Variants in PERP observed in about 807,000 individuals in gnomAD.
PERP encodes the protein p53 apoptosis effector related to PMP22.
A neutral mutation model predicts 20.3 loss-of-function variants in PERP; 11 were observed. The ratio of observed to expected loss-of-function variants is 0.54; its 90% CI spans 0.34 to 0.90. PERP has a LOEUF of 0.90. Ranked by LOEUF, PERP falls within the 40% of genes least tolerant of loss-of-function variation. The pLI, the probability that PERP is intolerant of heterozygous loss-of-function variation, is 0.02. For missense variants in PERP, 224 were observed against 249.4 expected (o/e 0.90, Z 0.69); for synonymous variants, 101 against 102.0 (o/e 0.99, Z 0.06).
chr6:138,101,342 C>A (rs1187853237), intron 1 of PERP, among the ~76,000 whole-genome samples: 1 of 152,084 alleles, frequency 6.6e-6, no homozygotes, highest in South Asian at 2.1e-4. Context: ...TGCACTCTAG[C>A]CTGAGCAACA....
Position 138,092,048 on chromosome 6 carries a change from A to C in PERP, c.576T>G (p.Ser192=). ...TCCCACATTCATTCCCAAGTTAGGC[A>C]GATGTGTAGAAGTACCTGGGCTTGG... ...GNAKPRYFYT[S]A Residue 192 remains serine (S), a synonymous_variant, in exon 3 of 3, where the codon TCT becomes TCG. Transcript: ENST00000421351. 1 of 1,613,152 alleles carries C rather than the reference A, an allele frequency of 6.2e-7. No individual in the cohort carries two copies. The highest frequency in any genetic ancestry group is 8.5e-7 in the Non-Finnish European group (1 of 1,179,276).
Position 138,107,116 on chromosome 6 carries a change from C to A in PERP, c.214+11G>T. 6.3e-7 allele frequency: 1 copy of A among 1,578,488 alleles called. No individual in the cohort carries two copies. The highest frequency in any genetic ancestry group is 8.6e-7 in the Non-Finnish European group (1 of 1,162,580). On this transcript the variant is annotated intron_variant, in intron 1 of 2. Coordinates refer to ENST00000421351, the MANE Select transcript of PERP (RefSeq NM_022121.5). This position sits in a 1 kb window ranked among gnomAD's most constrained non-coding sequence, Gnocchi z 4.8. ...CTGGAGGCGGCGACGGCGGCGGCGG[C>A]GGGCACTCACCGTACTCCATGAGGC...
In PERP at chr6:138,096,410, C is replaced by T; in HGVS notation, c.299G>A (p.Cys100Tyr). 1 of 1,614,052 alleles carries T rather than the reference C, an allele frequency of 6.2e-7. No homozygotes were observed. Among genetic ancestry groups the T allele is most frequent in the Non-Finnish European group, 8.5e-7 (1 of 1,179,996 alleles). Residue 100 changes from cysteine (C) to tyrosine (Y), a missense_variant, in exon 2 of 3, where the codon TGT (cysteine) becomes TAT (tyrosine). By Grantham distance (194) the Cys-to-Tyr change is radical. Transcript: ENST00000421351. ...CAGGAAGACAAGCATCTGGGGTCCA[C>T]AGAGGGCGAAGAAGGAGAGGATGAA... Reference protein sequence around the residue: ...ICFILSFFALCGPQMLVFLRV... With the variant: ...ICFILSFFALYGPQMLVFLRV...
Position 138,107,328 on chromosome 6 carries a change from C to T in PERP, c.13G>A (p.Gly5Ser), listed in dbSNP as rs1480176220. 1.3e-6 allele frequency: 2 copies of T among 1,597,754 alleles called. No individual in the cohort carries two copies. The highest frequency in any genetic ancestry group is 1.1e-5 in the South Asian group (1 of 89,970). Residue 5 changes from glycine to serine, a missense_variant, in exon 1 of 3, where the codon GGC becomes AGC. By Grantham distance (56) the Gly-to-Ser change is moderately conservative. Coordinates refer to ENST00000421351, the MANE Select transcript of PERP (RefSeq NM_022121.5). This position sits in a 1 kb window ranked among gnomAD's most constrained non-coding sequence, Gnocchi z 4.8. MIRCGLACERCRWIL... is the reference protein window; with the variant it reads MIRCSLACERCRWIL... Reference sequence around the variant, plus strand: ...CAGCGGCAGCGCTCGCAGGCCAGGCCGCAGCGGATCATGTTGACGGGCGGC... The same window carrying T: ...CAGCGGCAGCGCTCGCAGGCCAGGCTGCAGCGGATCATGTTGACGGGCGGC...
chr6:138,097,585 TCTC>T (rs1342071802), intron 1 of PERP, among the ~76,000 whole-genome samples: 1 of 152,190 alleles, frequency 6.6e-6, no homozygotes, highest in African/African-American at 2.4e-5. Context: ...GTAGTGTAAA[TCTC>T]CTAATAACTT....
rs139550112 is a variant in PERP at position 138,096,437 on chromosome 6, C to G, written c.272G>C (p.Cys91Ser). 1,652 of 1,613,876 alleles carry G rather than the reference C, an allele frequency of 1.0e-3. 2 individuals carry two copies. Among genetic ancestry groups the G allele is most frequent in the Middle Eastern group, 1.6e-3 (10 of 6,084 alleles). ...LFCGFIILVI[C>S]FILSFFALCG... ...GAGGGCGAAGAAGGAGAGGATGAAA[C>G]AGATCACCAGGATGATGAAGCCACA... The change falls in exon 2 of 3, where the codon TGT becomes TCT. Residue 91 changes from cysteine (C) to serine (S), a missense_variant. By Grantham distance (112) the Cys-to-Ser change is moderately radical (BLOSUM62 -1). Coordinates refer to ENST00000421351, the MANE Select transcript of PERP (RefSeq NM_022121.5).
rs1775536667 is a variant in PERP at position 138,089,030 on chromosome 6, A to C, written c.*3012T>G. On this transcript the variant is annotated 3_prime_UTR_variant, in exon 3 of 3. Coordinates refer to ENST00000421351, the MANE Select transcript of PERP (RefSeq NM_022121.5). Reference sequence around the variant, plus strand: ...TGCTTCCAACTCAAGGAATATTTAAAATTTTTTAATTAAAGAAAAAATTCT... The same window carrying C: ...TGCTTCCAACTCAAGGAATATTTAACATTTTTTAATTAAAGAAAAAATTCT... 6.6e-6 allele frequency: 1 copy of C among 152,144 alleles called. No homozygotes were observed. Among genetic ancestry groups the C allele is most frequent in the Non-Finnish European group, 1.5e-5 (1 of 68,032 alleles). The allele number at this position is 152,144 out of a possible 1,614,324, so 9.4% of individuals were successfully genotyped here.
chr6:138,094,710 A>G (rs1382065351), intron 2 of PERP, among the ~76,000 whole-genome samples: 1 of 152,040 alleles, frequency 6.6e-6, no homozygotes, highest in East Asian at 1.9e-4. Context: ...TTAATGTCTC[A>G]GTGTGTTATT....
At position 138,091,933 on chromosome 6, in the gene PERP, A is replaced by T; in HGVS notation, c.*109T>A. 1.1e-6 allele frequency: 1 copy of T among 895,252 alleles called. No individual in the cohort carries two copies. Among genetic ancestry groups the T allele is most frequent in the Non-Finnish European group, 1.7e-6 (1 of 595,316 alleles). The allele number at this position is 895,252 out of a possible 1,614,324, so 55.5% of individuals were successfully genotyped here. On this transcript the variant is annotated 3_prime_UTR_variant, in exon 3 of 3. Transcript: ENST00000421351. ...TTATTTTAGCATTTTTGACTAGTTT[A>T]ATAATATGAACACTGCCAAAAAATG...
At chr6:138,096,670 C>A (rs904897629) in intron 1 of PERP, among the ~76,000 whole-genome samples, 176 bp from the exon 2 acceptor site, 1 of 152,090 alleles carries the variant, frequency 6.6e-6, no homozygotes, top group Non-Finnish European at 1.5e-5. Context: ...GAAGAACAGG[C>A]AATTCATATG....
At chr6:138,099,249 A>G (rs1302382587) in intron 1 of PERP, among the ~76,000 whole-genome samples, 2 of 152,248 alleles carry the variant, frequency 1.3e-5, no homozygotes, top group South Asian at 2.1e-4. Context: ...TTAGATGATT[A>G]AAGTCCTTAT....
intron 1 of PERP, among the ~76,000 whole-genome samples, chr6:138,099,089 A>G (rs970143760): frequency 1.3e-5 from 2 of 152,192 alleles, no homozygotes; most frequent in African/African-American, 4.8e-5. Flanking sequence ...CAGCCCATAG[A>G]CCACAAAGGC....
chr6:138,106,848 T>G (rs79089865), intron 1 of PERP, among the ~76,000 whole-genome samples: 11,307 of 151,426 alleles, frequency 0.075, 582 homozygotes, highest in Middle Eastern at 0.18. Flanking sequence ...TGAAATAATC[T>G]TTCGTACGTA....
intron 1 of PERP, among the ~76,000 whole-genome samples, chr6:138,106,326 C>T (rs1185958723): frequency 6.6e-6 from 1 of 152,152 alleles, no homozygotes; most frequent in Non-Finnish European, 1.5e-5. Context: ...AAAGAAAATG[C>T]CTTCTCAGAC....
At position 138,096,384 on chromosome 6, in the gene PERP, T is replaced by G. The variant is rs1374328223; in HGVS notation, c.325A>C (p.Arg109=). The change falls in exon 2 of 3, where the codon AGA becomes CGA. Residue 109 remains arginine (R), a synonymous_variant. Coordinates refer to ENST00000421351, the MANE Select transcript of PERP (RefSeq NM_022121.5). ...LCGPQMLVFL[R]VIGGLLALAA... ...AAGGCAAGGAGACCTCCAATCACTC[T>G]CAGGAAGACAAGCATCTGGGGTCCA... 2 of 1,613,958 alleles carry G rather than the reference T, an allele frequency of 1.2e-6. No individual in the cohort carries two copies. Among genetic ancestry groups the G allele is most frequent in the East Asian group, 2.2e-5 (1 of 44,876 alleles).
intron 2 of PERP, 21 bp downstream of exon 2, chr6:138,096,333 A>C: frequency 6.2e-7 from 1 of 1,612,790 alleles, no homozygotes; most frequent in Non-Finnish European, 8.5e-7. Flanking sequence ...TAAATGAAGA[A>C]TTGCTGACAC....
At chr6:138,097,738 T>G (rs1407405130) in intron 1 of PERP, among the ~76,000 whole-genome samples, 1 of 152,244 alleles carries the variant, frequency 6.6e-6, no homozygotes, top group Admixed American at 6.5e-5. Context: ...AAAACATGAC[T>G]TTTTTAAAGA....
chr6:138,100,525 T>C (rs1443425573), intron 1 of PERP, among the ~76,000 whole-genome samples: 1 of 151,276 alleles, frequency 6.6e-6, no homozygotes, highest in Admixed American at 6.6e-5. Context: ...CTTTCATTAC[T>C]ATTTTATATA....
chr6:138,092,406 T>C (rs1046001367), intron 2 of PERP, 138 bp from the exon 3 acceptor site: 13 of 800,056 alleles, frequency 1.6e-5, no homozygotes, highest in East Asian at 1.3e-4. Flanking sequence ...GCAGGAGGAA[T>C]CTGGTTAGGC....
Sources: gnomAD v4.1 joint callset for allele counts (sites outside exome capture counted in the v4.1 genomes callset) on GRCh38, gnomAD v4.1.1 for gene constraint, Gnocchi (gnomAD v3.1) non-coding constraint, MANE v1.5 for transcripts, NCBI Gene and HGNC (gene_info 2026-07-23, HGNC 2026-07-21) for gene names.